The following GALNT13 variants were observed in gnomAD, a reference collection of about 807,000 sequenced individuals.
GALNT13 encodes the protein polypeptide N-acetylgalactosaminyltransferase 13, also known as UDP-GalNAc:polypeptide N-acetylgalactosaminyltransferase 13.
GALNT13 carries 28 observed loss-of-function variants against 64.2 expected under a neutral mutation model. That is an observed-to-expected ratio of 0.44 (90% CI 0.32 to 0.60). The LOEUF (loss-of-function observed/expected upper bound fraction) is 0.60. Ranked by LOEUF, GALNT13 falls within the 20% of genes least tolerant of loss-of-function variation. The probability of loss-of-function intolerance (pLI) is 0.05; values close to 1 mark genes in which losing one functional copy is unlikely to be tolerated. For synonymous variants in GALNT13, 214 were observed against 224.6 expected, an observed-to-expected ratio of 0.95 and a Z score of 0.42; for missense variants, 577 against 669.8, an observed-to-expected ratio of 0.86 and a Z score of 1.53.
chr2:153,293,742 CAT>C, the GALNT13 span, among the ~76,000 whole-genome samples: 1 of 150,428 alleles, frequency 6.6e-6, no homozygotes, highest in East Asian at 2.0e-4. Context: ...CAAAGATTAA[CAT>C]GTTACTTTTT....
At chr2:153,313,987 C>T in the GALNT13 span, among the ~76,000 whole-genome samples, 1 of 152,088 alleles carries the variant, frequency 6.6e-6, no homozygotes, top group Admixed American at 6.6e-5. Context: ...TATTCTTAGC[C>T]TGGCTTCTCT....
chr2:153,815,677 A>G, the GALNT13 span, among the ~76,000 whole-genome samples: 66 of 152,300 alleles, frequency 4.3e-4, no homozygotes, highest in Middle Eastern at 3.4e-3. Context: ...TTACAATAAG[A>G]GTTTTTCCAT....
the GALNT13 span, among the ~76,000 whole-genome samples, chr2:153,251,080 G>C: frequency 2.4e-4 from 37 of 152,186 alleles, no homozygotes; most frequent in Admixed American, 5.9e-4. Flanking sequence ...CAATCTTTTA[G>C]ATAGTAGGTC....
chr2:154,162,032 C>T lies in GALNT13; in HGVS notation c.311+21527C>T, dbSNP rs532570546. The stretch of plus-strand genomic sequence containing the variant: ...TCCTGACCTTGTGATCCGCCCGTCT[C>T]GGCCTCCCAAAGTGGTGGGATTACA... On this transcript the variant is annotated intron_variant, in intron 4 of 12. Transcript: ENST00000392825. 5.3e-5 allele frequency among the ~76,000 whole-genome samples: 8 copies of T among 152,290 alleles called. No individual in the cohort carries two copies. In the East Asian group the frequency reaches 7.7e-4, roughly 15 times the overall value.
the GALNT13 span, among the ~76,000 whole-genome samples, chr2:153,599,080 G>A: frequency 2.0e-5 from 3 of 152,174 alleles, no homozygotes; most frequent in South Asian, 4.1e-4. Context: ...GGCAGCAAAA[G>A]CAGTGAGGCT....
rs1012888445 is a variant in GALNT13, at chr2:154,282,825, T to A, written c.976-18584T>A. 5.9e-5 allele frequency among the ~76,000 whole-genome samples: 9 copies of A among 152,294 alleles called. No homozygotes were observed. In the South Asian group the frequency reaches 1.9e-3, roughly 32 times the overall value. On this transcript the variant is annotated intron_variant, in intron 8 of 12. Coordinates refer to ENST00000392825, the MANE Select transcript of GALNT13 (RefSeq NM_052917.4). ...ATAACTTGATGTAGAAAAATCTTCA[T>A]CTTGAGATGTTATCATTACCTCAGA...
chr2:153,310,161 A>T, the GALNT13 span, among the ~76,000 whole-genome samples: 1 of 152,154 alleles, frequency 6.6e-6, no homozygotes, highest in African/African-American at 2.4e-5. Context: ...CCAGGGATTA[A>T]TTTTTTGTTA....
chr2:153,829,690 A>C, the GALNT13 span, among the ~76,000 whole-genome samples: 1 of 152,174 alleles, frequency 6.6e-6, no homozygotes, highest in African/African-American at 2.4e-5. Context: ...AGCTCAGGAA[A>C]GAGGTCAAAA....
intron 9 of GALNT13, among the ~76,000 whole-genome samples, chr2:154,350,437 TTG>T (rs1185248594): frequency 6.6e-6 from 1 of 152,192 alleles, no homozygotes; most frequent in Non-Finnish European, 1.5e-5. Context: ...TCTTCAGCTT[TTG>T]TATTCTTGGA....
the GALNT13 span, among the ~76,000 whole-genome samples, chr2:153,155,794 C>T: frequency 6.6e-6 from 1 of 152,006 alleles, no homozygotes; most frequent in Non-Finnish European, 1.5e-5. Context: ...TTCTCTAGTT[C>T]TTCTAGTGGT....
At chr2:153,203,024 A>G in the GALNT13 span, among the ~76,000 whole-genome samples, 1 of 152,186 alleles carries the variant, frequency 6.6e-6, no homozygotes. Context: ...GTCTGGCTCA[A>G]TGTGCCTTTC....
intron 4 of GALNT13, among the ~76,000 whole-genome samples, chr2:154,182,380 G>C (rs571164252): frequency 6.6e-6 from 1 of 152,022 alleles, no homozygotes; most frequent in Non-Finnish European, 1.5e-5. Flanking sequence ...TTTGAAAGTT[G>C]TCAATGTATT....
chr2:154,362,241 C>G, intron 9 of GALNT13, among the ~76,000 whole-genome samples: 1 of 145,166 alleles, frequency 6.9e-6, no homozygotes, highest in East Asian at 2.2e-4. Flanking sequence ...AATTCTACCC[C>G]CACCCCCACC....
chr2:153,731,360 G>A, the GALNT13 span, among the ~76,000 whole-genome samples: 1,067 of 151,850 alleles, frequency 7.0e-3, 15 homozygotes, highest in African/African-American at 0.024. Context: ...AAAGTGGGAC[G>A]TGGGTGAGGG....
chr2:153,535,182 A>G, the GALNT13 span, among the ~76,000 whole-genome samples: 1 of 152,112 alleles, frequency 6.6e-6, no homozygotes, highest in East Asian at 1.9e-4. Flanking sequence ...CATTTGCCGT[A>G]TAGAATGATT....
the GALNT13 span, among the ~76,000 whole-genome samples, chr2:153,805,497 T>G: frequency 6.6e-6 from 1 of 152,174 alleles, no homozygotes; most frequent in African/African-American, 2.4e-5. Flanking sequence ...AAGGGAATGA[T>G]TAGGCAATGA....
the GALNT13 span, among the ~76,000 whole-genome samples, chr2:153,693,403 A>G: frequency 6.6e-6 from 1 of 152,178 alleles, no homozygotes; most frequent in East Asian, 1.9e-4. Flanking sequence ...TCAAATCATA[A>G]AATTAGGTGT....
chr2:154,088,831 C>G (rs1701660351), intron 3 of GALNT13, among the ~76,000 whole-genome samples: 2 of 152,090 alleles, frequency 1.3e-5, no homozygotes, highest in South Asian at 4.1e-4. Flanking sequence ...TGTTTTTGTT[C>G]TTGATACCAA....
the GALNT13 span, among the ~76,000 whole-genome samples, chr2:153,115,895 G>C: frequency 6.6e-6 from 1 of 152,048 alleles, no homozygotes; most frequent in African/African-American, 2.4e-5. Flanking sequence ...CTGCCTTAAG[G>C]GAGCAGCATT....
Sources: allele counts gnomAD v4.1 joint callset (sites outside exome capture counted in the v4.1 genomes callset), GRCh38; gene constraint gnomAD v4.1.1; transcripts MANE v1.5; gene names NCBI Gene and HGNC (gene_info 2026-07-23, HGNC 2026-07-21).